The following NHLH1 variants were observed in gnomAD, a reference collection of about 807,000 sequenced individuals.
NHLH1 encodes nescient helix-loop-helix 1.
A neutral mutation model predicts 6.7 loss-of-function variants in NHLH1; 3 were observed. The ratio of observed to expected loss-of-function variants is 0.44; its 90% CI spans 0.20 to 1.15. The LOEUF (loss-of-function observed/expected upper bound fraction) is 1.15. NHLH1 is among the 50% of genes most tolerant of loss of function. The probability of loss-of-function intolerance (pLI) is 0.26; values close to 1 mark genes in which losing one functional copy is unlikely to be tolerated. For synonymous variants in NHLH1, 92 were observed against 84.2 expected (o/e 1.09, Z -0.51); for missense variants, 177 against 189.5 (o/e 0.93, Z 0.39).
At chr1:160,369,196 T>C (rs1328486001) in intron 1 of NHLH1, among the ~76,000 whole-genome samples, 1 of 152,222 alleles carries the variant, frequency 6.6e-6, no homozygotes, top group Non-Finnish European at 1.5e-5. Flanking sequence ...AGCTATACAG[T>C]ATTTGTGTTG....
intron 1 of NHLH1, among the ~76,000 whole-genome samples, chr1:160,368,455 A>G (rs1649543387): frequency 6.6e-6 from 1 of 152,158 alleles, no homozygotes; most frequent in South Asian, 2.1e-4. Context: ...TCCTTGGGCT[A>G]TGGGAGAGTA....
intron 1 of NHLH1, among the ~76,000 whole-genome samples, 161 bp from the exon 2 acceptor site, chr1:160,370,396 C>T (rs1193485354): frequency 6.6e-6 from 1 of 151,650 alleles, no homozygotes; most frequent in African/African-American, 2.4e-5. Flanking sequence ...CTCTGTCTCT[C>T]GGCCTCTCCC....
chr1:160,371,058 G>A lies in NHLH1; in HGVS notation c.327G>A (p.Lys109=). The change falls in exon 2 of 2, where the codon AAG becomes AAA. Residue 109 remains lysine (K), a synonymous_variant. Transcript: ENST00000302101. ...TGCTGCCTACGCTGCCCCCCGACAA[G>A]AAGCTCTCCAAGATTGAGATTCTGC... ...RKLLPTLPPD[K]KLSKIEILRL... The A allele has an allele frequency of 6.2e-7, 1 of 1,614,092 alleles. No homozygotes were observed.
In NHLH1 at chr1:160,371,048, C is replaced by T. The variant is rs1261239623; in HGVS notation, c.317C>T (p.Pro106Leu). ...AELRKLLPTL[P>L]PDKKLSKIEI... Reference sequence around the variant, plus strand: ...CTGCGCAAGCTGCTGCCTACGCTGCCCCCCGACAAGAAGCTCTCCAAGATT... The same window carrying T: ...CTGCGCAAGCTGCTGCCTACGCTGCTCCCCGACAAGAAGCTCTCCAAGATT... The change falls in exon 2 of 2, where the codon CCC becomes CTC. Residue 106 changes from proline (P) to leucine (L), a missense_variant. Transcript: ENST00000302101. 1 of 1,613,988 alleles carries T rather than the reference C, an allele frequency of 6.2e-7. No homozygotes were observed. Among genetic ancestry groups the T allele is most frequent in the African/African-American group, 1.3e-5 (1 of 74,930 alleles).
chr1:160,371,503 A>G lies in NHLH1; in HGVS notation c.*370A>G. On this transcript the variant is annotated 3_prime_UTR_variant, in exon 2 of 2. Coordinates refer to ENST00000302101, the MANE Select transcript of NHLH1 (RefSeq NM_005598.4). Reference sequence around the variant, plus strand: ...CCCTATGTCCAAATTTTCAGCCACCACAGACCTCAGCTGTGTATCCTATCT... The same window carrying G: ...CCCTATGTCCAAATTTTCAGCCACCGCAGACCTCAGCTGTGTATCCTATCT... 2 of 205,694 alleles carry G rather than the reference A, an allele frequency of 9.7e-6. No homozygotes were observed. The highest frequency in any genetic ancestry group is 1.1e-4 in the Admixed American group (2 of 17,718). The allele number at this position is 205,694 out of a possible 1,614,324, so 12.7% of individuals were successfully genotyped here.
intron 1 of NHLH1, among the ~76,000 whole-genome samples, chr1:160,367,992 A>G (rs1469822893): frequency 2.0e-5 from 3 of 152,176 alleles, no homozygotes; most frequent in African/African-American, 4.8e-5. Flanking sequence ...TTTCAGCACT[A>G]ACCACCTTCT....
In NHLH1 at chr1:160,370,925, AGCGCCG is replaced by A. The variant is rs772410196; in HGVS notation, c.207_212del (p.Arg70_Arg71del). On this transcript the variant is annotated inframe_deletion, in exon 2 of 2. Transcript: ENST00000302101. ...GACCTGCAGCATCTGAGCCGCGAGG[AGCGCCG>A]GCGCCGGCGCCGCGCCACAGCCAAG... is the stretch of plus-strand genomic sequence containing the variant. 15 of 1,608,118 alleles carry A rather than the reference AGCGCCG, an allele frequency of 9.3e-6. No homozygotes were observed. Among genetic ancestry groups the A allele is most frequent in the Middle Eastern group, 1.7e-4 (1 of 5,998 alleles).
rs1467263891 is a variant in NHLH1, at chr1:160,371,446, C to T, written c.*313C>T. 3 of 289,472 alleles carry T rather than the reference C, an allele frequency of 1.0e-5. No homozygotes were observed. Among genetic ancestry groups the T allele is most frequent in the Admixed American group, 1.0e-4 (2 of 20,040 alleles). 17.9% of individuals were successfully genotyped at this position (289,472 alleles called of 1,614,324 possible). On this transcript the variant is annotated 3_prime_UTR_variant, in exon 2 of 2. Transcript: ENST00000302101. ...GCCAGCCACACTTGGAGTCTGCCCC[C>T]AAGCTCTCTCACTGAATGCTGCCTC...
Position 160,372,494 on chromosome 1 carries a change from T to C in NHLH1, c.*1361T>C, listed in dbSNP as rs956447654. On this transcript the variant is annotated 3_prime_UTR_variant, in exon 2 of 2. Transcript: ENST00000302101. ...CTTCCTCCCTGCTTACGCCTTTCCTTTTCTTGCTCCTTCTTCAACTCCTGG... is the reference window on the plus strand; with the variant it reads ...CTTCCTCCCTGCTTACGCCTTTCCTCTTCTTGCTCCTTCTTCAACTCCTGG... 6.0e-6 allele frequency: 1 copy of C among 167,104 alleles called. No individual in the cohort carries two copies. Among genetic ancestry groups the C allele is most frequent in the Non-Finnish European group, 1.5e-5 (1 of 68,164 alleles). The allele number at this position is 167,104 out of a possible 1,614,324, so 10.4% of individuals were successfully genotyped here.
At chr1:160,369,656 A>T (rs994898651) in intron 1 of NHLH1, among the ~76,000 whole-genome samples, 2 of 152,176 alleles carry the variant, frequency 1.3e-5, no homozygotes, top group African/African-American at 4.8e-5. Context: ...GTGATATTTC[A>T]TAGTGGGTTT....
rs1258630668 is a variant in NHLH1, at chr1:160,370,837, G to A, written c.106G>A (p.Gly36Arg). Residue 36 changes from glycine (G) to arginine (R), a missense_variant, in exon 2 of 2, where the codon GGG (glycine) becomes AGG (arginine). Transcript: ENST00000302101. ...GGGCGGGGCGGGCCCTGATGGTGCC[G>A]GGCCTGGGGGTCCGGGAGGGGGCCA... ...CGGGAGPDGA[G>R]PGGPGGGQAR... The A allele has an allele frequency of 1.1e-5, 17 of 1,607,486 alleles. No homozygotes were observed. The highest frequency in any genetic ancestry group is 1.4e-5 in the Non-Finnish European group (16 of 1,177,796).
chr1:160,370,408 A>ACCC (rs1411962679), intron 1 of NHLH1, 149 bp from the exon 2 acceptor site: 1 of 70,756 alleles, frequency 1.4e-5, no homozygotes, highest in Admixed American at 1.4e-4. Context: ...GCCTCTCCCC[A>ACCC]CCCCCCGACC....
rs1649601847 is a variant in NHLH1 at position 160,370,666 on chromosome 1, C to T, written c.-66C>T. The T allele has an allele frequency of 6.5e-7, 1 of 1,544,064 alleles. No homozygotes were observed. Among genetic ancestry groups the T allele is most frequent in the Admixed American group, 1.9e-5 (1 of 53,926 alleles). On this transcript the variant is annotated 5_prime_UTR_variant, in exon 2 of 2. Coordinates refer to ENST00000302101, the MANE Select transcript of NHLH1 (RefSeq NM_005598.4). ...CCCTTCCTCCCCCTCCCACCACCAG[C>T]TTTCAAGCTCCCAGAGGGAGGGGTG...
Position 160,371,198 on chromosome 1 carries a change from A to G in NHLH1, c.*65A>G. 23 of 1,533,978 alleles carry G rather than the reference A, an allele frequency of 1.5e-5. No homozygotes were observed. The highest frequency in any genetic ancestry group is 2.0e-5 in the Non-Finnish European group (23 of 1,142,922). Reference sequence around the variant, plus strand: ...CCTTTCCACCGCTCACTGCTTAGAAAGGCCGCATCCTCCCCGAGCCCTTAT... The same window carrying G: ...CCTTTCCACCGCTCACTGCTTAGAAGGGCCGCATCCTCCCCGAGCCCTTAT... On this transcript the variant is annotated 3_prime_UTR_variant, in exon 2 of 2. Coordinates refer to ENST00000302101, the MANE Select transcript of NHLH1 (RefSeq NM_005598.4).
In NHLH1 at chr1:160,371,159, G is replaced by A; in HGVS notation, c.*26G>A. ...ACTCAGCCTGTCTCCCACCTCCCGG[G>A]CCTCTCTGGGGCCCCTTTCCACCGC... On this transcript the variant is annotated 3_prime_UTR_variant, in exon 2 of 2. Transcript: ENST00000302101. 2 of 1,577,392 alleles carry A rather than the reference G, an allele frequency of 1.3e-6. No individual in the cohort carries two copies. The highest frequency in any genetic ancestry group is 1.2e-5 in the South Asian group (1 of 85,216).
intron 1 of NHLH1, among the ~76,000 whole-genome samples, 170 bp from the exon 2 acceptor site, chr1:160,370,383 CCTCT>C (rs1413534139): frequency 1.3e-5 from 2 of 151,810 alleles, no homozygotes; most frequent in African/African-American, 2.4e-5. Context: ...TGTCCACCTG[CCTCT>C]CTGTCTCTCG....
At chr1:160,369,502 C>T (rs572295916) in intron 1 of NHLH1, among the ~76,000 whole-genome samples, 1 of 152,226 alleles carries the variant, frequency 6.6e-6, no homozygotes, top group South Asian at 2.1e-4. Flanking sequence ...TTTTGAGGAA[C>T]ATTTATACTG....
At position 160,370,881 on chromosome 1, in the gene NHLH1, G is replaced by C. The variant is rs747177730; in HGVS notation, c.150G>C (p.Pro50=). The part of the protein sequence containing the change: ...PGGGQARGPE[P]GEPGRKDLQH... ...GGGGCCAGGCCCGAGGCCCAGAGCCGGGAGAGCCTGGCCGGAAAGACCTGC... is the reference window on the plus strand; with the variant it reads ...GGGGCCAGGCCCGAGGCCCAGAGCCCGGAGAGCCTGGCCGGAAAGACCTGC... Residue 50 remains proline (P), a synonymous_variant, in exon 2 of 2, where the codon CCG becomes CCC. Transcript: ENST00000302101. 7 of 1,606,654 alleles carry C rather than the reference G, an allele frequency of 4.4e-6. No individual in the cohort carries two copies. The South Asian group carries it at 7.7e-5, about 18-fold the overall frequency.
chr1:160,368,620 C>G (rs925675806), intron 1 of NHLH1, among the ~76,000 whole-genome samples: 1 of 152,170 alleles, frequency 6.6e-6, no homozygotes, highest in Non-Finnish European at 1.5e-5. Flanking sequence ...GAGATATCTT[C>G]CCCTGGTTTT....
Sources: gnomAD v4.1 joint callset for allele counts (sites outside exome capture counted in the v4.1 genomes callset) on GRCh38, gnomAD v4.1.1 for gene constraint, MANE v1.5 for transcripts, NCBI Gene and HGNC (gene_info 2026-07-23, HGNC 2026-07-21) for gene names.